Variants in NOVA1 observed in about 807,000 individuals in gnomAD.
NOVA1 encodes the protein RNA-binding protein Nova-1.
NOVA1 carries 7 observed loss-of-function variants against 38.0 expected under a neutral mutation model. That is an observed-to-expected ratio of 0.18 (90% CI 0.10 to 0.35). The LOEUF (loss-of-function observed/expected upper bound fraction) is 0.35, where lower values mean the gene tolerates loss of function less well. Among genes scored for constraint, NOVA1 ranks in the 10% least tolerant of loss-of-function variants. The pLI is 1.00. For missense variants in NOVA1, 460 were observed against 616.0 expected (o/e 0.75, Z 2.68); for synonymous variants, 270 against 232.5 (o/e 1.16, Z -1.47).
At chr14:26,535,128 C>T (rs1002324094) in intron 2 of NOVA1, among the ~76,000 whole-genome samples, 3 of 152,038 alleles carry the variant, frequency 2.0e-5, no homozygotes, top group Non-Finnish European at 4.4e-5. Context: ...TTAAGAAATA[C>T]TAAAAGAGCA....
At chr14:26,477,885 C>T (rs966317607) in intron 3 of NOVA1, among the ~76,000 whole-genome samples, 2 of 151,800 alleles carry the variant, frequency 1.3e-5, no homozygotes, top group Non-Finnish European at 1.5e-5. Flanking sequence ...AAATTTTCAA[C>T]TTTTATAATA....
In NOVA1 at chr14:26,445,225, A is replaced by G. The variant is rs1316298172; in HGVS notation, c.*2734T>C. 1.3e-5 allele frequency: 2 copies of G among 152,238 alleles called. No individual in the cohort carries two copies. Among genetic ancestry groups the G allele is most frequent in the Non-Finnish European group, 2.9e-5 (2 of 68,044 alleles). The allele number at this position is 152,238 out of a possible 1,614,324, so 9.4% of individuals were successfully genotyped here. On this transcript the variant is annotated 3_prime_UTR_variant, in exon 5 of 5. Transcript: ENST00000539517. ...CCATTTTGGATCAGTACAGCTGAAC[A>G]GCCATTGTTACATGCCTACCTGTGG...
At chr14:26,572,648 A>C (rs1411205269) in intron 2 of NOVA1, among the ~76,000 whole-genome samples, 1 of 151,960 alleles carries the variant, frequency 6.6e-6, no homozygotes, top group Non-Finnish European at 1.5e-5. Context: ...AGGGTCCCTC[A>C]ACCAGATTGA....
intron 3 of NOVA1, among the ~76,000 whole-genome samples, chr14:26,476,736 G>C (rs1421598036): frequency 7.8e-5 from 10 of 129,020 alleles, no homozygotes; most frequent in African/African-American, 2.4e-4. Flanking sequence ...TTTTTTTTGA[G>C]ACAGAGCTTC....
chr14:26,464,815 T>C (rs529537886), intron 4 of NOVA1, among the ~76,000 whole-genome samples: 15 of 152,290 alleles, frequency 9.8e-5, no homozygotes, highest in African/African-American at 1.9e-4. Context: ...ACGAAAATTA[T>C]AGTAAGTCTA....
chr14:26,502,226 T>A (rs1887291971), intron 2 of NOVA1, among the ~76,000 whole-genome samples: 1 of 151,914 alleles, frequency 6.6e-6, no homozygotes, highest in Non-Finnish European at 1.5e-5. Context: ...TAATCATGGA[T>A]ATTATATGGA....
At chr14:26,569,992 G>C (rs890172770) in intron 2 of NOVA1, among the ~76,000 whole-genome samples, 1 of 152,238 alleles carries the variant, frequency 6.6e-6, no homozygotes, top group South Asian at 2.1e-4. Flanking sequence ...GCCTTAAAGG[G>C]TCTCTAAAAG....
intron 2 of NOVA1, among the ~76,000 whole-genome samples, chr14:26,533,582 T>C (rs1390321539): frequency 6.6e-6 from 1 of 152,220 alleles, no homozygotes; most frequent in Admixed American, 6.5e-5. Context: ...AATGTCTCAA[T>C]TGTTCATGTA....
chr14:26,565,215 G>A (rs547307748), intron 2 of NOVA1, among the ~76,000 whole-genome samples: 1 of 152,242 alleles, frequency 6.6e-6, no homozygotes, highest in South Asian at 2.1e-4. Context: ...TTATACTCCT[G>A]CAGTTTTGTA....
intron 4 of NOVA1, among the ~76,000 whole-genome samples, chr14:26,460,139 T>C (rs1883530115): frequency 1.3e-5 from 2 of 151,984 alleles, no homozygotes; most frequent in Admixed American, 6.6e-5. Context: ...TGTTTCTGCA[T>C]TAATTTGGCC....
At chr14:26,576,280 T>C (rs1892835405) in intron 2 of NOVA1, among the ~76,000 whole-genome samples, 1 of 151,816 alleles carries the variant, frequency 6.6e-6, no homozygotes, top group African/African-American at 2.4e-5. Flanking sequence ...TTCTTACTCC[T>C]CTTGCTTCCT....
intron 2 of NOVA1, among the ~76,000 whole-genome samples, chr14:26,590,372 A>C (rs1893770246): frequency 1.3e-5 from 2 of 151,926 alleles, no homozygotes; most frequent in African/African-American, 4.8e-5. Context: ...ACTTACTCAT[A>C]AAAGTTGTGT....
At position 26,444,159 on chromosome 14, in the gene NOVA1, A is replaced by G. The variant is rs1405697142; in HGVS notation, c.*3800T>C. ...TACCACCATTAAAATTTCCAAGGAA[A>G]CATAGGGCCTGTAACGTAGGGATTC... is the stretch of plus-strand genomic sequence containing the variant. On this transcript the variant is annotated 3_prime_UTR_variant, in exon 5 of 5. Transcript: ENST00000539517. 1 of 152,166 alleles carries G rather than the reference A, an allele frequency of 6.6e-6. No individual in the cohort carries two copies. Among genetic ancestry groups the G allele is most frequent in the Admixed American group, 6.5e-5 (1 of 15,268 alleles). 9.4% of individuals were successfully genotyped at this position (152,166 alleles called of 1,614,324 possible).
chr14:26,537,667 G>A (rs1343324384), intron 2 of NOVA1, among the ~76,000 whole-genome samples: 1 of 152,112 alleles, frequency 6.6e-6, no homozygotes, highest in African/African-American at 2.4e-5. Context: ...CAGTACAGCA[G>A]TAAACAAATC....
Position 26,527,266 on chromosome 14 carries a change from G to A in NOVA1, c.281-47123C>T, listed in dbSNP as rs150280603. ...GCAGTGGGACAATTTAGATGACCTCGTTCCAGTTTCTGTGGAGATGAGCGT... is the reference window on the plus strand; with the variant it reads ...GCAGTGGGACAATTTAGATGACCTCATTCCAGTTTCTGTGGAGATGAGCGT... On this transcript the variant is annotated intron_variant, in intron 2 of 4. Coordinates refer to ENST00000539517, the MANE Select transcript of NOVA1 (RefSeq NM_002515.3). 7.0e-4 allele frequency among the ~76,000 whole-genome samples: 106 copies of A among 152,176 alleles called. 1 individual carries two copies. Among genetic ancestry groups the A allele is most frequent in the African/African-American group, 2.3e-3 (97 of 41,534 alleles).
At chr14:26,503,876 C>G (rs564201901) in intron 2 of NOVA1, among the ~76,000 whole-genome samples, 1 of 152,144 alleles carries the variant, frequency 6.6e-6, no homozygotes, top group East Asian at 1.9e-4. Context: ...AACAGAACAA[C>G]AGGCACAAAC....
intron 4 of NOVA1, among the ~76,000 whole-genome samples, chr14:26,465,236 G>A (rs962251765): frequency 6.6e-6 from 1 of 151,992 alleles, no homozygotes; most frequent in African/African-American, 2.4e-5. Flanking sequence ...GTGCAATGGC[G>A]TGATCTCAGC....
intron 4 of NOVA1, among the ~76,000 whole-genome samples, chr14:26,459,953 A>G (rs986632515): frequency 4.6e-5 from 7 of 151,974 alleles, no homozygotes; most frequent in African/African-American, 1.7e-4. Context: ...CTGATGTGCC[A>G]TATTTTTGAA....
At chr14:26,594,741 A>C (rs1048008545) in intron 2 of NOVA1, among the ~76,000 whole-genome samples, 1 of 149,766 alleles carries the variant, frequency 6.7e-6, no homozygotes, top group Non-Finnish European at 1.5e-5. Context: ...TTATACCACC[A>C]AGGAAACTTC....
Sources: gnomAD v4.1 joint callset for allele counts (sites outside exome capture counted in the v4.1 genomes callset) on GRCh38, gnomAD v4.1.1 for gene constraint, MANE v1.5 for transcripts, NCBI Gene and HGNC (gene_info 2026-07-23, HGNC 2026-07-21) for gene names.